Variants in ABCC4 observed in about 807,000 individuals in gnomAD.
The protein encoded by ABCC4 is ATP binding cassette subfamily C member 4 (PEL blood group).
In ABCC4, 102 loss-of-function variants were observed where a neutral mutation model predicts 168.5. That is an observed-to-expected ratio of 0.61 (90% CI 0.52 to 0.71). The LOEUF is 0.71. Ranked by LOEUF, ABCC4 falls within the 30% of genes least tolerant of loss-of-function variation. The pLI, the probability that ABCC4 is intolerant of heterozygous loss-of-function variation, is 0.00. For missense variants in ABCC4, 1,402 were observed against 1,605.8 expected (o/e 0.87, Z 2.17); for synonymous variants, 617 against 590.7 (o/e 1.04, Z -0.65).
intron 3 of ABCC4, among the ~76,000 whole-genome samples, chr13:95,235,433 A>G (rs974247509): frequency 1.3e-5 from 2 of 152,134 alleles, no homozygotes; most frequent in Non-Finnish European, 2.9e-5. Flanking sequence ...TCTTGGCCTA[A>G]GGTGAATAAG....
chr13:95,142,410 T>C (rs776237496), intron 19 of ABCC4, among the ~76,000 whole-genome samples: 1 of 152,006 alleles, frequency 6.6e-6, no homozygotes, highest in Non-Finnish European at 1.5e-5. Flanking sequence ...AATGACACAA[T>C]GGACTTTAAG....
chr13:95,112,694 C>T (rs1299258246), intron 20 of ABCC4, among the ~76,000 whole-genome samples: 1 of 152,150 alleles, frequency 6.6e-6, no homozygotes, highest in Non-Finnish European at 1.5e-5. Context: ...TTTTTTTAAA[C>T]TCAATTGTTT....
At chr13:95,211,841 G>A (rs1472090763) in intron 4 of ABCC4, among the ~76,000 whole-genome samples, 4 of 152,080 alleles carry the variant, frequency 2.6e-5, no homozygotes, top group Non-Finnish European at 2.9e-5. Flanking sequence ...CGAGGGCTAT[G>A]TGAATGGGAA....
Position 95,021,486 on chromosome 13 carries a change from G to T in ABCC4, c.*89C>A, listed in dbSNP as rs924263135. 8.4e-6 allele frequency: 7 copies of T among 837,006 alleles called. No individual in the cohort carries two copies. The highest frequency in any genetic ancestry group is 1.3e-5 in the Non-Finnish European group (7 of 519,432). 51.8% of individuals were successfully genotyped at this position (837,006 alleles called of 1,614,324 possible). ...CATCTTGTATGTATAAATATTTGTTGCCAAAGTAAAAAAAAGTACAATGTG... is the reference window on the plus strand; with the variant it reads ...CATCTTGTATGTATAAATATTTGTTTCCAAAGTAAAAAAAAGTACAATGTG... On this transcript the variant is annotated 3_prime_UTR_variant, in exon 31 of 31. Coordinates refer to ENST00000645237, the MANE Select transcript of ABCC4 (RefSeq NM_005845.5).
At chr13:95,034,401 C>T (rs1238631654) in intron 30 of ABCC4, among the ~76,000 whole-genome samples, 2 of 152,212 alleles carry the variant, frequency 1.3e-5, no homozygotes, top group Non-Finnish European at 2.9e-5. Context: ...ACTCGACCCC[C>T]CAACCCCTAC....
intron 5 of ABCC4, 139 bp from the exon 6 acceptor site, chr13:95,209,736 G>A: frequency 1.3e-6 from 1 of 777,460 alleles, no homozygotes; most frequent in South Asian, 2.5e-5. Flanking sequence ...ACCTGCTAAA[G>A]CAGAAAGCCA....
intron 20 of ABCC4, among the ~76,000 whole-genome samples, chr13:95,095,305 T>TCTAC (rs1402505301): frequency 6.6e-6 from 1 of 151,946 alleles, no homozygotes; most frequent in Non-Finnish European, 1.5e-5. Flanking sequence ...TATCTATCTA[T>TCTAC]CTATCTATCT....
intron 6 of ABCC4, 101 bp from the exon 7 acceptor site, chr13:95,208,026 C>T (rs1241865074): frequency 1.2e-5 from 16 of 1,382,342 alleles, no homozygotes; most frequent in South Asian, 5.7e-5. Context: ...TTCCCTACAG[C>T]GCTTTTGCTT....
intron 1 of ABCC4, among the ~76,000 whole-genome samples, chr13:95,259,912 C>T (rs1240906257): frequency 6.6e-6 from 1 of 151,600 alleles, no homozygotes; most frequent in East Asian, 1.9e-4. Context: ...ACAGACTCTA[C>T]TTCTGGGCTT....
chr13:95,168,287 C>G (rs1371323620), intron 14 of ABCC4, among the ~76,000 whole-genome samples: 3 of 152,158 alleles, frequency 2.0e-5, no homozygotes, highest in Non-Finnish European at 4.4e-5. Context: ...TACTTGTTTT[C>G]AAGTTTGAGG....
At chr13:95,076,282 G>A (rs961225060) in intron 21 of ABCC4, among the ~76,000 whole-genome samples, 9 of 152,166 alleles carry the variant, frequency 5.9e-5, no homozygotes, top group African/African-American at 2.2e-4. Context: ...TTTTATGACT[G>A]CCCCACTGCA....
chr13:95,109,497 G>T (rs1386481747), intron 20 of ABCC4, among the ~76,000 whole-genome samples: 1 of 152,052 alleles, frequency 6.6e-6, no homozygotes, highest in Non-Finnish European at 1.5e-5. Flanking sequence ...CAGAAAATTT[G>T]AATTTTGCTC....
chr13:95,168,091 C>T (rs990587313), intron 14 of ABCC4, among the ~76,000 whole-genome samples: 3 of 152,156 alleles, frequency 2.0e-5, no homozygotes, highest in Non-Finnish European at 4.4e-5. Flanking sequence ...TGGTCTCAAA[C>T]TCCTGACCTC....
At chr13:95,279,234 A>G (rs989042118) in intron 1 of ABCC4, among the ~76,000 whole-genome samples, 2 of 152,216 alleles carry the variant, frequency 1.3e-5, no homozygotes, top group Non-Finnish European at 2.9e-5. Flanking sequence ...ACTAAAATGC[A>G]CACTGGAGTA....
Position 95,046,875 on chromosome 13 carries a change from G to A in ABCC4, c.3457-2437C>T, listed in dbSNP as rs371054851. Among the ~76,000 whole-genome samples, 156 of 152,228 alleles carry A rather than the reference G, an allele frequency of 1.0e-3. 3 individuals carry two copies. The South Asian group carries it at 0.03, about 30-fold the overall frequency. On this transcript the variant is annotated intron_variant, in intron 27 of 30. Transcript: ENST00000645237. ...GACAATGGAGGCAGTGGAACACAGT[G>A]ACTAAGAGTGACAACTGGGGAAATT... is the stretch of plus-strand genomic sequence containing the variant.
At chr13:95,043,931 G>A in intron 28 of ABCC4, 144 bp from the exon 29 acceptor site, 1 of 640,576 alleles carries the variant, frequency 1.6e-6, no homozygotes, top group Non-Finnish European at 2.6e-6. Context: ...AATGTTTTAG[G>A]ACAATCTTAT....
At chr13:95,118,777 G>A (rs569626248) in intron 19 of ABCC4, among the ~76,000 whole-genome samples, 14 of 152,226 alleles carry the variant, frequency 9.2e-5, no homozygotes, top group Middle Eastern at 3.4e-3. Context: ...ATCTATTTTC[G>A]GACTGTTCTG....
chr13:95,174,987 C>T (rs1215387949), intron 13 of ABCC4, among the ~76,000 whole-genome samples: 1 of 152,194 alleles, frequency 6.6e-6, no homozygotes, highest in East Asian at 1.9e-4. Context: ...AGCTTGGTCG[C>T]GCTAAGTACA....
intron 1 of ABCC4, among the ~76,000 whole-genome samples, chr13:95,255,061 G>A (rs9524866): frequency 0.93 from 141,046 of 152,304 alleles, 65,515 homozygotes; most frequent in East Asian, 1. Context: ...ACAGATATAA[G>A]TAAGTCTGCA....
Sources: allele counts gnomAD v4.1 joint callset (sites outside exome capture counted in the v4.1 genomes callset), GRCh38; gene constraint gnomAD v4.1.1; transcripts MANE v1.5; gene names NCBI Gene and HGNC (gene_info 2026-07-23, HGNC 2026-07-21).